Variants in KHNYN observed in about 807,000 individuals in gnomAD.
KHNYN encodes the protein KH and NYN domain containing.
A neutral mutation model predicts 62.7 loss-of-function variants in KHNYN; 42 were observed. That is an observed-to-expected ratio of 0.67 (90% CI 0.52 to 0.87). KHNYN has a LOEUF of 0.87. Ranked by LOEUF, KHNYN falls within the 40% of genes least tolerant of loss-of-function variation. The pLI is 0.00. For synonymous variants in KHNYN, 347 were observed against 345.6 expected (o/e 1.00, Z -0.04); for missense variants, 829 against 874.1 (o/e 0.95, Z 0.65).
chr14:24,431,514 C>A lies in KHNYN; in HGVS notation c.253C>A (p.Pro85Thr). Residue 85 changes from proline to threonine, a missense_variant, in exon 3 of 8, where the codon CCG becomes ACG. This residue lies in a region of KHNYN where 559 missense variants were observed against 527.0 expected (regional missense o/e 1.06). Transcript: ENST00000553935. ...SPELQDEIHY[P>T]PKLHCIFLGA... ...AGAACTGCAGGATGAAATCCACTAC[C>A]CGCCCAAACTGCACTGCATCTTTCT... 6.2e-7 allele frequency: 1 copy of A among 1,601,806 alleles called. No individual in the cohort carries two copies.
chr14:24,430,216 G>GGGACC, intron 1 of KHNYN, 97 bp downstream of exon 1: 1 of 914,272 alleles, frequency 1.1e-6, no homozygotes, highest in Non-Finnish European at 1.3e-6. Flanking sequence ...CGCGGTGGGC[G>GGGACC]GGCCCGGCCC....
At chr14:24,431,030 T>G in intron 2 of KHNYN, 99 bp downstream of exon 2, 1 of 1,144,876 alleles carries the variant, frequency 8.7e-7, no homozygotes, top group South Asian at 1.6e-5. Flanking sequence ...AGGAGGGGCC[T>G]GGGGAGGATC....
chr14:24,429,638 C>T (rs909213701), upstream of KHNYN: 77 of 1,134,440 alleles, frequency 6.8e-5, no homozygotes, highest in African/African-American at 1.2e-3. Flanking sequence ...GTGGAAAGTG[C>T]TTGGGCCTAG....
At chr14:24,434,299 G>A (rs1400254332) in intron 5 of KHNYN, 1 of 985,268 alleles carries the variant, frequency 1.0e-6, no homozygotes, top group Admixed American at 6.1e-5. Context: ...ACACAGCGTA[G>A]GCATACGGAA....
rs1277425450 is a variant in KHNYN at position 24,430,725 on chromosome 14, G to T, written c.-6G>T. The T allele has an allele frequency of 5.1e-6, 8 of 1,556,850 alleles. No homozygotes were observed. The highest frequency in any genetic ancestry group is 1.7e-4 in the Middle Eastern group (1 of 6,004). Reference sequence around the variant, plus strand: ...TTCTCCCCTTCCAGGGCTGGGGGCAGCAGCCATGCCTACCTGGGGGGCCCG... The same window carrying T: ...TTCTCCCCTTCCAGGGCTGGGGGCATCAGCCATGCCTACCTGGGGGGCCCG... On this transcript the variant is annotated 5_prime_UTR_variant, in exon 2 of 8. Coordinates refer to ENST00000553935, the MANE Select transcript of KHNYN (RefSeq NM_015299.3).
upstream of KHNYN, chr14:24,428,877 C>T (rs200467816): frequency 3.1e-5 from 49 of 1,603,426 alleles, no homozygotes; most frequent in Middle Eastern, 6.6e-4. Flanking sequence ...GCTGCTCCCC[C>T]GGGCCCCCCT....
chr14:24,424,415 T>A (rs368986549), upstream of KHNYN, among the ~76,000 whole-genome samples: 6 of 152,270 alleles, frequency 3.9e-5, no homozygotes, highest in African/African-American at 1.4e-4. Context: ...GCCTTTTCTC[T>A]ACATGATGCC....
chr14:24,427,873 T>G (rs1291527878), upstream of KHNYN: 1 of 1,614,004 alleles, frequency 6.2e-7, no homozygotes. The surrounding 1 kb of genome is among the most constrained non-coding windows in gnomAD (Gnocchi z 4.4). Context: ...GCAGAGACAC[T>G]CGGTCCCCAG....
chr14:24,436,179 G>T lies in KHNYN; in HGVS notation c.1685G>T (p.Arg562Leu). ...SEKWMAIIRE[R>L]LLPFTFVGNL... ...AAGTGGATGGCAATCATCAGAGAAC[G>T]GTGAGGGAGCCCTCCCGCTGAGAAC... Residue 562 changes from arginine (R) to leucine (L), a missense_variant and splice_region_variant, in exon 6 of 8, where the codon CGC (arginine) becomes CTC (leucine). Physicochemically the swap from Arg to Leu is moderately radical, Grantham distance 102 (BLOSUM62 -2). Around this residue, in one of 2 missense-constraint regions of KHNYN, gnomAD observed 270 missense variants for 347.1 expected, o/e 0.78. Coordinates refer to ENST00000553935, the MANE Select transcript of KHNYN (RefSeq NM_015299.3). 1 of 1,611,584 alleles carries T rather than the reference G, an allele frequency of 6.2e-7. No individual in the cohort carries two copies. Among genetic ancestry groups the T allele is most frequent in the South Asian group, 1.1e-5 (1 of 91,050 alleles).
rs1017107653 is a variant in KHNYN, at chr14:24,441,378, G to C, written c.*4093G>C. The stretch of plus-strand genomic sequence containing the variant: ...TGTGTATAATTGTTTGCAATTACTT[G>C]GTCCCAAAGGTGACCAGGAACTCTG... On this transcript the variant is annotated 3_prime_UTR_variant, in exon 8 of 8. Coordinates refer to ENST00000553935, the MANE Select transcript of KHNYN (RefSeq NM_015299.3). 2.8e-5 allele frequency: 13 copies of C among 464,786 alleles called. No individual in the cohort carries two copies. The highest frequency in any genetic ancestry group is 5.7e-5 in the South Asian group (2 of 35,146). The allele number at this position is 464,786 out of a possible 1,614,324, so 28.8% of individuals were successfully genotyped here.
rs2043146466 is a variant in KHNYN, at chr14:24,432,903, T to C, written c.1481-33T>C. On this transcript the variant is annotated intron_variant, in intron 4 of 7. Coordinates refer to ENST00000553935, the MANE Select transcript of KHNYN (RefSeq NM_015299.3). This position sits in a 1 kb window ranked among gnomAD's most constrained non-coding sequence, Gnocchi z 5.6. Reference sequence around the variant, plus strand: ...CCCAGGATAGGCTCTGTTTCCACTTTGAGGAGAACCCTATTATGTTCTTTT... The same window carrying C: ...CCCAGGATAGGCTCTGTTTCCACTTCGAGGAGAACCCTATTATGTTCTTTT... The C allele has an allele frequency of 1.9e-6, 3 of 1,614,104 alleles. No individual in the cohort carries two copies. Among genetic ancestry groups the C allele is most frequent in the East Asian group, 2.2e-5 (1 of 44,896 alleles).
chr14:24,431,334 T>C (rs2043107969), intron 2 of KHNYN, 129 bp from the exon 3 acceptor site: 2 of 717,394 alleles, frequency 2.8e-6, no homozygotes, highest in Admixed American at 6.0e-5. Flanking sequence ...AGTTTCCTTA[T>C]CTCTAAAATG....
chr14:24,428,760 C>G (rs201024767), upstream of KHNYN: 1 of 1,585,118 alleles, frequency 6.3e-7, no homozygotes, highest in Admixed American at 1.7e-5. Flanking sequence ...ATTACCTGGT[C>G]GAAGTAGATG....
intron 7 of KHNYN, 143 bp downstream of exon 7, chr14:24,436,632 A>G (rs1304776492): frequency 1.5e-5 from 9 of 619,602 alleles, no homozygotes; most frequent in Non-Finnish European, 1.9e-5. Flanking sequence ...CTTGGCCTTT[A>G]TAAGCTTCCC....
chr14:24,425,401 T>G (rs1030048360), upstream of KHNYN, among the ~76,000 whole-genome samples: 1 of 152,158 alleles, frequency 6.6e-6, no homozygotes, highest in Non-Finnish European at 1.5e-5. Context: ...GGTGCATATT[T>G]CAGAAAGCTT....
intron 5 of KHNYN, chr14:24,434,360 T>G: frequency 1.0e-6 from 1 of 985,412 alleles, no homozygotes; most frequent in Non-Finnish European, 1.2e-6. Flanking sequence ...TAAAATATGC[T>G]TAACTGGAAA....
chr14:24,428,128 A>G, upstream of KHNYN: 3 of 1,310,152 alleles, frequency 2.3e-6, no homozygotes, highest in Non-Finnish European at 3.2e-6. Context: ...TGGACTCTGC[A>G]CATCCTCCAC....
chr14:24,437,556 G>T lies in KHNYN; in HGVS notation c.*271G>T. On this transcript the variant is annotated 3_prime_UTR_variant, in exon 8 of 8. Transcript: ENST00000553935. The surrounding 1 kb of genome is among the most constrained non-coding windows in gnomAD (Gnocchi z 5.5). ...TGTAGGGAGTGGGGGCTGCTAGAGG[G>T]GATTAGTTCCGGAGACTGAGACTGT... 1 of 347,416 alleles carries T rather than the reference G, an allele frequency of 2.9e-6. No homozygotes were observed. Among genetic ancestry groups the T allele is most frequent in the African/African-American group, 2.1e-5 (1 of 48,144 alleles). The allele number at this position is 347,416 out of a possible 1,614,324, so 21.5% of individuals were successfully genotyped here. A position where few individuals can be genotyped will look rare whatever the true frequency, so the allele number is the denominator to read the frequency against.
upstream of KHNYN, chr14:24,427,942 G>A (rs1356878018): frequency 1.2e-6 from 2 of 1,613,828 alleles, no homozygotes; most frequent in South Asian, 1.1e-5. This position sits in a 1 kb window ranked among gnomAD's most constrained non-coding sequence, Gnocchi z 4.4. Context: ...CAGGATCATT[G>A]GCAAAGGCTG....
Sources: allele counts gnomAD v4.1 joint callset (sites outside exome capture counted in the v4.1 genomes callset), GRCh38; gene constraint gnomAD v4.1.1; regional missense constraint gnomAD v4.1.1; non-coding constraint Gnocchi (gnomAD v3.1); transcripts MANE v1.5; gene names NCBI Gene and HGNC (gene_info 2026-07-23, HGNC 2026-07-21).